Variants in TMEM165 observed in about 807,000 individuals in gnomAD.
The protein encoded by TMEM165 is transmembrane protein 165, also known as putative divalent cation/proton antiporter TMEM165.
Under a neutral mutation model 30.0 loss-of-function variants are expected in TMEM165, and 19 were observed. The ratio of observed to expected loss-of-function variants is 0.63; its 90% CI spans 0.44 to 0.93. The LOEUF is 0.93. Among genes scored for constraint, TMEM165 ranks in the 40% least tolerant of loss-of-function variants. The probability of loss-of-function intolerance (pLI) is 0.00; values close to 1 mark genes in which losing one functional copy is unlikely to be tolerated. For missense variants in TMEM165, 340 were observed against 417.0 expected (o/e 0.82, Z 1.61); for synonymous variants, 168 against 162.9 (o/e 1.03, Z -0.24).
intron 1 of TMEM165, among the ~76,000 whole-genome samples, chr4:55,406,740 A>G (rs1001634563): frequency 6.6e-6 from 1 of 152,050 alleles, no homozygotes; most frequent in Non-Finnish European, 1.5e-5. Context: ...GCTCACTGCA[A>G]CTTGTACCTC....
At chr4:55,435,596 TAAA>T (rs998409095) in intron 3 of TMEM165, 2 of 1,613,732 alleles carry the variant, frequency 1.2e-6, no homozygotes, top group Admixed American at 3.3e-5. Context: ...CCTAGAAGTC[TAAA>T]AAACAAATGG....
chr4:55,438,125 G>A (rs560525488), intron 3 of TMEM165, among the ~76,000 whole-genome samples: 4 of 152,158 alleles, frequency 2.6e-5, no homozygotes, highest in South Asian at 2.1e-4. Flanking sequence ...AAAAAAAATC[G>A]CCAACCAGAA....
At chr4:55,414,752 C>G (rs1433153044) in intron 2 of TMEM165, among the ~76,000 whole-genome samples, 1 of 152,008 alleles carries the variant, frequency 6.6e-6, no homozygotes, top group Non-Finnish European at 1.5e-5. Context: ...TGACATCAAC[C>G]TTTTTGGGAG....
At chr4:55,404,388 T>C (rs1217318485) in intron 1 of TMEM165, among the ~76,000 whole-genome samples, 4 of 151,602 alleles carry the variant, frequency 2.6e-5, no homozygotes, top group Non-Finnish European at 5.9e-5. Context: ...TACTTTAGTA[T>C]GTTGTTATCT....
chr4:55,434,174 A>G (rs1722711601), intron 3 of TMEM165: 2 of 152,652 alleles, frequency 1.3e-5, no homozygotes, highest in African/African-American at 4.8e-5. Flanking sequence ...AATGACTTCA[A>G]GATGGTGAGT....
chr4:55,396,531 A>G (rs1261281113), intron 1 of TMEM165, 135 bp downstream of exon 1: 7 of 728,402 alleles, frequency 9.6e-6, no homozygotes, highest in Non-Finnish European at 1.0e-5. Context: ...CCCGGGGTGG[A>G]GGGCGGTCGG....
At chr4:55,449,569 A>G in intron 3 of TMEM165, 1 of 1,262,776 alleles carries the variant, frequency 7.9e-7, no homozygotes, top group Non-Finnish European at 1.1e-6. Context: ...CTCAAAATGT[A>G]TTTCAGTTAA....
At chr4:55,448,640 G>C in intron 3 of TMEM165, 1 of 575,848 alleles carries the variant, frequency 1.7e-6, no homozygotes, top group Non-Finnish European at 3.2e-6. Flanking sequence ...GTGTGTGTGT[G>C]TGTGCTCCTA....
At chr4:55,404,424 A>G (rs1721187216) in intron 1 of TMEM165, among the ~76,000 whole-genome samples, 1 of 151,336 alleles carries the variant, frequency 6.6e-6, no homozygotes, top group Non-Finnish European at 1.5e-5. Context: ...CTTTTCCTTG[A>G]AATTCTTTTT....
chr4:55,419,021 G>A (rs891689576), intron 4 of TMEM165, among the ~76,000 whole-genome samples: 2 of 151,946 alleles, frequency 1.3e-5, no homozygotes, highest in Non-Finnish European at 2.9e-5. Context: ...CTCCAGCCTG[G>A]GCAGCAGAGT....
chr4:55,413,417 C>T (rs905574912), intron 2 of TMEM165, among the ~76,000 whole-genome samples: 1 of 152,168 alleles, frequency 6.6e-6, no homozygotes. Context: ...CAGGCTCAGG[C>T]GATTTTCCTG....
At chr4:55,436,989 T>G (rs980127862) in intron 3 of TMEM165, among the ~76,000 whole-genome samples, 2 of 151,548 alleles carry the variant, frequency 1.3e-5, no homozygotes, top group African/African-American at 4.8e-5. Flanking sequence ...GGTCCTCTCC[T>G]TTTTTTAGCT....
chr4:55,408,599 GTCA>G (rs1339230525), intron 1 of TMEM165, among the ~76,000 whole-genome samples: 11 of 152,154 alleles, frequency 7.2e-5, no homozygotes, highest in Admixed American at 3.3e-4. Flanking sequence ...TGATCAAATT[GTCA>G]TCATGTGGTG....
chr4:55,441,884 G>C (rs2109677085), intron 3 of TMEM165, among the ~76,000 whole-genome samples: 2 of 152,272 alleles, frequency 1.3e-5, no homozygotes, highest in South Asian at 4.1e-4. Flanking sequence ...CTGAAATGAA[G>C]ACACCAAGGT....
At chr4:55,442,725 A>G (rs1170644637) in intron 3 of TMEM165, 6 of 1,129,176 alleles carry the variant, frequency 5.3e-6, no homozygotes, top group Admixed American at 2.0e-5. Flanking sequence ...CAATATGACA[A>G]TATGACAGAG....
chr4:55,435,469 G>A, intron 3 of TMEM165: 1 of 1,614,064 alleles, frequency 6.2e-7, no homozygotes, highest in Non-Finnish European at 8.5e-7. Flanking sequence ...TGTGCCGGCT[G>A]AGTTGCTGCT....
intron 1 of TMEM165, among the ~76,000 whole-genome samples, chr4:55,409,693 C>G (rs575137236): frequency 6.6e-6 from 1 of 152,256 alleles, no homozygotes; most frequent in Non-Finnish European, 1.5e-5. Context: ...GAGACAAAAT[C>G]GCCCTGGTTG....
At chr4:55,433,245 TGTGGG>T in intron 3 of TMEM165, 1 of 152,758 alleles carries the variant, frequency 6.5e-6, no homozygotes, top group Middle Eastern at 3.4e-3. Flanking sequence ...TTCATGGGAA[TGTGGG>T]AAATCTCTAC....
chr4:55,429,015 A>AT (rs1274224405), downstream of TMEM165: 1 of 140,398 alleles, frequency 7.1e-6, no homozygotes, highest in African/African-American at 2.6e-5. Flanking sequence ...TTCCTGGCCA[A>AT]TTTTTTTGCT....
Sources: allele counts gnomAD v4.1 joint callset (sites outside exome capture counted in the v4.1 genomes callset), GRCh38; gene constraint gnomAD v4.1.1; transcripts MANE v1.5; gene names NCBI Gene and HGNC (gene_info 2026-07-23, HGNC 2026-07-21).